FSTL4: variants seen among roughly 807,000 people sequenced by gnomAD.
FSTL4 encodes follistatin like 4, also known as follistatin-related protein 4.
Under a neutral mutation model 78.2 loss-of-function variants are expected in FSTL4, and 28 were observed. That is an observed-to-expected ratio of 0.36 (90% CI 0.27 to 0.49). FSTL4 has a LOEUF of 0.49. FSTL4 is among the 20% of genes least tolerant of loss of function. The probability of loss-of-function intolerance (pLI) is 0.98; values close to 1 mark genes in which losing one functional copy is unlikely to be tolerated. For synonymous variants in FSTL4, 422 were observed against 440.5 expected (o/e 0.96, Z 0.53); for missense variants, 922 against 1,084.9 (o/e 0.85, Z 2.11).
At chr5:133,375,313 A>ATATATATATATATATATATAT (rs1354744825) in intron 4 of FSTL4, among the ~76,000 whole-genome samples, 10 of 31,054 alleles carry the variant, frequency 3.2e-4, no homozygotes, top group Non-Finnish European at 5.9e-4. Flanking sequence ...TATATATATA[A>ATATATATATATATATATATAT]AAGACTCTAA....
At chr5:133,632,359 C>T in the FSTL4 span, among the ~76,000 whole-genome samples, 1 of 152,088 alleles carries the variant, frequency 6.6e-6, no homozygotes, top group African/African-American at 2.4e-5. Flanking sequence ...ATTTAGAAAA[C>T]TCAGGAGGAA....
At chr5:133,510,909 C>A (rs1758718867) in intron 3 of FSTL4, among the ~76,000 whole-genome samples, 1 of 152,160 alleles carries the variant, frequency 6.6e-6, no homozygotes, top group African/African-American at 2.4e-5. Context: ...GACATGAAAG[C>A]CAGCTCTCGC....
chr5:133,764,552 C>A, the FSTL4 span, among the ~76,000 whole-genome samples: 2 of 152,048 alleles, frequency 1.3e-5, no homozygotes, highest in African/African-American at 4.8e-5. Context: ...AGACTTTCTC[C>A]CCCAAAACAA....
chr5:133,337,808 T>C (rs543487953), intron 4 of FSTL4, among the ~76,000 whole-genome samples: 1 of 152,304 alleles, frequency 6.6e-6, no homozygotes, highest in African/African-American at 2.4e-5. Context: ...AAAGCAAACA[T>C]AAGAGCTGGA....
At chr5:133,767,424 T>C in the FSTL4 span, among the ~76,000 whole-genome samples, 1 of 152,020 alleles carries the variant, frequency 6.6e-6, no homozygotes, top group Non-Finnish European at 1.5e-5. Context: ...GCTGATATGG[T>C]TAGACATAAG....
the FSTL4 span, among the ~76,000 whole-genome samples, chr5:133,732,245 T>C: frequency 6.6e-6 from 1 of 152,130 alleles, no homozygotes; most frequent in South Asian, 2.1e-4. Context: ...AGGTGTGTGG[T>C]GCAGGTACCA....
At chr5:133,416,870 G>A (rs1756588954) in intron 3 of FSTL4, among the ~76,000 whole-genome samples, 1 of 152,164 alleles carries the variant, frequency 6.6e-6, no homozygotes, top group Non-Finnish European at 1.5e-5. Context: ...TGAGTGCTCT[G>A]GTTTGAATCT....
intron 3 of FSTL4, among the ~76,000 whole-genome samples, chr5:133,555,757 C>T (rs929202377): frequency 2.2e-4 from 34 of 152,246 alleles, no homozygotes; most frequent in African/African-American, 6.5e-4. Flanking sequence ...CCTATCAAAT[C>T]AACGTCCCCT....
At chr5:133,288,064 G>T (rs1465815475) in intron 6 of FSTL4, among the ~76,000 whole-genome samples, 3 of 152,258 alleles carry the variant, frequency 2.0e-5, no homozygotes, top group African/African-American at 7.2e-5. Context: ...AATAGTACCT[G>T]TTTGAGGACT....
the FSTL4 span, among the ~76,000 whole-genome samples, chr5:133,715,696 T>G: frequency 5.9e-5 from 9 of 152,222 alleles, no homozygotes; most frequent in Non-Finnish European, 1.3e-4. Context: ...CTCCCCTGTT[T>G]GATTTTGCTC....
the FSTL4 span, among the ~76,000 whole-genome samples, chr5:133,707,497 G>A: frequency 6.6e-6 from 1 of 152,220 alleles, no homozygotes; most frequent in African/African-American, 2.4e-5. Flanking sequence ...TGCACATGAA[G>A]GAGGAAGGCT....
intron 4 of FSTL4, among the ~76,000 whole-genome samples, chr5:133,376,888 C>CA (rs56667792): frequency 0.039 from 5,037 of 127,672 alleles, 143 homozygotes; most frequent in African/African-American, 0.087. Flanking sequence ...GAGTCTGTCT[C>CA]AAAAAAAAAA....
chr5:133,437,329 T>G (rs1305341495), intron 3 of FSTL4, among the ~76,000 whole-genome samples: 2 of 152,182 alleles, frequency 1.3e-5, no homozygotes, highest in East Asian at 3.8e-4. Context: ...ACTTGGGCAC[T>G]ATTTCAACCT....
chr5:133,228,958 C>T (rs1751411563), intron 8 of FSTL4, among the ~76,000 whole-genome samples: 2 of 152,124 alleles, frequency 1.3e-5, no homozygotes, highest in South Asian at 2.1e-4. Context: ...TAGTTATATC[C>T]AGGTAATGCA....
At chr5:133,309,183 G>A (rs1413531925) in intron 6 of FSTL4, among the ~76,000 whole-genome samples, 10 of 152,092 alleles carry the variant, frequency 6.6e-5, no homozygotes, top group Non-Finnish European at 1.5e-4. Context: ...TGACCCTGGA[G>A]CCTGGGTCTC....
At chr5:133,243,236 GA>G (rs145643247) in intron 7 of FSTL4, among the ~76,000 whole-genome samples, 1 of 149,112 alleles carries the variant, frequency 6.7e-6, no homozygotes, top group East Asian at 1.9e-4. Context: ...GAGATTCAGT[GA>G]AAAAAAAACC....
the FSTL4 span, among the ~76,000 whole-genome samples, chr5:133,804,389 TAC>T: frequency 5.9e-5 from 9 of 152,250 alleles, no homozygotes; most frequent in Admixed American, 5.9e-4. Context: ...CCAATGACTG[TAC>T]AGTCACTGAA....
intron 7 of FSTL4, among the ~76,000 whole-genome samples, chr5:133,239,159 C>A (rs907425130): frequency 1.3e-5 from 2 of 152,208 alleles, no homozygotes; most frequent in African/African-American, 4.8e-5. Flanking sequence ...GATTTCTTGC[C>A]GGGCCTTAGC....
At chr5:133,320,864 A>G (rs1212460036) in intron 4 of FSTL4, among the ~76,000 whole-genome samples, 1 of 151,958 alleles carries the variant, frequency 6.6e-6, no homozygotes, top group Non-Finnish European at 1.5e-5. Flanking sequence ...AAAATTAGCC[A>G]GGCATGGTGG....
Sources: allele counts gnomAD v4.1 joint callset (sites outside exome capture counted in the v4.1 genomes callset), GRCh38; gene constraint gnomAD v4.1.1; transcripts MANE v1.5; gene names NCBI Gene and HGNC (gene_info 2026-07-23, HGNC 2026-07-21).